The following AP5Z1 variants were observed in gnomAD, a reference collection of about 807,000 sequenced individuals.
AP5Z1 encodes adaptor related protein complex 5 subunit zeta 1.
Under a neutral mutation model 83.0 loss-of-function variants are expected in AP5Z1, and 106 were observed. The observed-to-expected ratio is 1.28, with a 90% CI of 1.09 to 1.50. AP5Z1 has a LOEUF of 1.50. Ranked by LOEUF, AP5Z1 falls within the 40% of genes most tolerant of loss-of-function variation. The pLI is 0.00. For synonymous variants in AP5Z1, 751 were observed against 514.1 expected, an observed-to-expected ratio of 1.46 and a Z score of -6.23; for missense variants, 1,565 against 1,094.2, an observed-to-expected ratio of 1.43 and a Z score of -6.07.
chr7:4,777,137 A>G (rs770227323), intron 1 of AP5Z1, among the ~76,000 whole-genome samples: 2 of 152,176 alleles, frequency 1.3e-5, no homozygotes, highest in East Asian at 1.9e-4. Flanking sequence ...GCAGCTCAAC[A>G]TAGGCAACCT....
intron 2 of AP5Z1, 53 bp downstream of exon 2, chr7:4,781,365 C>T: frequency 8.1e-6 from 13 of 1,608,028 alleles, no homozygotes; most frequent in Non-Finnish European, 1.0e-5. Flanking sequence ...CCCAGGAGAA[C>T]CCAGCCCACG....
At chr7:4,778,267 C>T (rs913092540) in intron 1 of AP5Z1, among the ~76,000 whole-genome samples, 15 of 152,216 alleles carry the variant, frequency 9.9e-5, no homozygotes, top group Non-Finnish European at 1.5e-4. Flanking sequence ...TAGTTTCTCT[C>T]TAAATGTGTC....
Position 4,790,871 on chromosome 7 carries a change from C to G in AP5Z1, c.2137C>G (p.Gln713Glu). ...GCTGACGAAGCTGGCCTCCCGGAGC[C>G]AAGATCTGATCCCCAGGTGCCTGGT... ...TTLTKLASRS[Q>E]DLIPRASLLL... Residue 713 changes from glutamine (Q) to glutamate (E), a missense_variant, in exon 16 of 17, where the codon CAA becomes GAA. By Grantham distance (29) the Gln-to-Glu change is conservative. Transcript: ENST00000649063. 6.2e-7 allele frequency: 1 copy of G among 1,604,448 alleles called. No homozygotes were observed. The highest frequency in any genetic ancestry group is 1.7e-4 in the Middle Eastern group (1 of 6,024).
At chr7:4,785,352 G>C in intron 7 of AP5Z1, 63 bp from the exon 8 acceptor site, 1 of 1,574,434 alleles carries the variant, frequency 6.4e-7, no homozygotes, top group Non-Finnish European at 8.6e-7. Flanking sequence ...AGCACAAGCT[G>C]CCCCCTCATT....
At position 4,785,404 on chromosome 7, in the gene AP5Z1, C is replaced by G. The variant is rs1781509910; in HGVS notation, c.932-11C>G. ...GAGACAGAGCCGGCTGACTTTTTCC[C>G]CTCCTTCCAGGAGCCCTGAGGAAGG... On this transcript the variant is annotated splice_polypyrimidine_tract_variant and intron_variant, in intron 7 of 16. Transcript: ENST00000649063. 1.9e-6 allele frequency: 3 copies of G among 1,612,560 alleles called. No individual in the cohort carries two copies. The highest frequency in any genetic ancestry group is 2.5e-6 in the Non-Finnish European group (3 of 1,179,318).
chr7:4,780,489 G>A (rs1781350326), intron 1 of AP5Z1, among the ~76,000 whole-genome samples: 1 of 152,086 alleles, frequency 6.6e-6, no homozygotes, highest in Non-Finnish European at 1.5e-5. Context: ...CGTAGGCCAG[G>A]CGCGGTGGCT....
chr7:4,783,235 G>T, intron 3 of AP5Z1, 81 bp from the exon 4 acceptor site: 1 of 1,481,652 alleles, frequency 6.7e-7, no homozygotes, highest in East Asian at 2.5e-5. Flanking sequence ...CTTCTCAGGA[G>T]TGTCACACAG....
intron 3 of AP5Z1, among the ~76,000 whole-genome samples, chr7:4,782,716 C>T (rs1781413942): frequency 6.6e-6 from 1 of 152,154 alleles, no homozygotes; most frequent in African/African-American, 2.4e-5. Flanking sequence ...GTGGTAGCTC[C>T]TGGCCTTTGG....
Position 4,789,574 on chromosome 7 carries a change from TGCAGAGCGGGAGTTGGCA to T in AP5Z1, c.1708-256_1708-239del, listed in dbSNP as rs1332402977. ...GCCAAACAAGACGTGTGCCTGGCCT[TGCAGAGCGGGAGTTGGCA>T]GAGGAGCCGTGGAACAGAAGCGACA... is the stretch of plus-strand genomic sequence containing the variant. On this transcript the variant is annotated intron_variant, in intron 13 of 16. Coordinates refer to ENST00000649063, the MANE Select transcript of AP5Z1 (RefSeq NM_014855.3). Among the ~76,000 whole-genome samples the T allele has an allele frequency of 5.9e-5, 9 of 152,340 alleles. No homozygotes were observed. The East Asian group carries it at 1.7e-3, about 29-fold the overall frequency.
chr7:4,779,187 TAAC>T (rs572771288), intron 1 of AP5Z1, among the ~76,000 whole-genome samples: 19 of 146,568 alleles, frequency 1.3e-4, no homozygotes, highest in African/African-American at 3.0e-4. Context: ...ATAACATATA[TAAC>T]AACATAATAT....
At position 4,775,686 on chromosome 7, in the gene AP5Z1, G is replaced by T; in HGVS notation, c.-30G>T. 2 of 1,606,444 alleles carry T rather than the reference G, an allele frequency of 1.2e-6. No individual in the cohort carries two copies. Among genetic ancestry groups the T allele is most frequent in the Non-Finnish European group, 8.5e-7 (1 of 1,179,672 alleles). On this transcript the variant is annotated 5_prime_UTR_variant, in exon 1 of 17. It adds an upstream start codon to the 5' untranslated region. Coordinates refer to ENST00000649063, the MANE Select transcript of AP5Z1 (RefSeq NM_014855.3). ...GGGCTGCAGCTCCTGGAGTTTCCGA[G>T]GTTCGTGCGCGTCTGGTGGCGGCGG...
Position 4,791,643 on chromosome 7 carries a change from T to G in AP5Z1, c.*258T>G. 1.8e-6 allele frequency: 1 copy of G among 541,236 alleles called. No homozygotes were observed. The highest frequency in any genetic ancestry group is 3.2e-6 in the Non-Finnish European group (1 of 313,020). The allele number at this position is 541,236 out of a possible 1,614,324, so 33.5% of individuals were successfully genotyped here. ...CATGGAGCGGCTCTGATTGGAGGCT[T>G]GAGGCCCTGTGGCTGGGTCGGGTGG... On this transcript the variant is annotated 3_prime_UTR_variant, in exon 17 of 17. Coordinates refer to ENST00000649063, the MANE Select transcript of AP5Z1 (RefSeq NM_014855.3).
intron 14 of AP5Z1, chr7:4,790,136 T>C: frequency 6.9e-7 from 1 of 1,457,620 alleles, no homozygotes. Context: ...CGTCCTTCTT[T>C]CTGCCGAGCC....
intron 1 of AP5Z1, among the ~76,000 whole-genome samples, chr7:4,776,221 A>AAGATCTCTCTTGCGCGGATGTATTAG (rs1781221588): frequency 1.3e-5 from 2 of 152,248 alleles, no homozygotes; most frequent in South Asian, 4.1e-4. Flanking sequence ...GTGACTTAAA[A>AAGATCTCTCTTGCGCGGATGTATTAG]AGATCTCTCT....
intron 10 of AP5Z1, 37 bp from the exon 11 acceptor site, chr7:4,787,597 T>C (rs1415843033): frequency 8.5e-6 from 13 of 1,537,170 alleles, no homozygotes; most frequent in Admixed American, 2.0e-5. Context: ...GCTCCACAGC[T>C]CCGAGCCGTG....
Position 4,790,448 on chromosome 7 carries a change from T to C in AP5Z1, c.1806-11T>C. 1 of 1,613,056 alleles carries C rather than the reference T, an allele frequency of 6.2e-7. No homozygotes were observed. The highest frequency in any genetic ancestry group is 8.5e-7 in the Non-Finnish European group (1 of 1,179,856). On this transcript the variant is annotated splice_polypyrimidine_tract_variant and intron_variant, in intron 14 of 16. Coordinates refer to ENST00000649063, the MANE Select transcript of AP5Z1 (RefSeq NM_014855.3). Reference sequence around the variant, plus strand: ...TGCACAGAGCAGGCGTAGACCCGGCTTTCTGGGCAGTGTGCTGAGTTCTCA... The same window carrying C: ...TGCACAGAGCAGGCGTAGACCCGGCCTTCTGGGCAGTGTGCTGAGTTCTCA...
intron 14 of AP5Z1, 146 bp from the exon 15 acceptor site, chr7:4,790,313 C>G (rs1418237998): frequency 6.5e-7 from 1 of 1,549,128 alleles, no homozygotes; most frequent in Admixed American, 1.9e-5. Context: ...TTCTCTGAGG[C>G]TGGCAGTCTT....
chr7:4,777,123 C>A (rs1781249632), intron 1 of AP5Z1, among the ~76,000 whole-genome samples: 1 of 152,204 alleles, frequency 6.6e-6, no homozygotes, highest in Non-Finnish European at 1.5e-5. Flanking sequence ...AGCACCATCT[C>A]CCAGCAGCTC....
rs1233316773 is a variant in AP5Z1, at chr7:4,794,256, T to C, written c.*2871T>C. On this transcript the variant is annotated 3_prime_UTR_variant, in exon 17 of 17. Coordinates refer to ENST00000649063, the MANE Select transcript of AP5Z1 (RefSeq NM_014855.3). ...CCTGTCAAAACAGACCACTCGGCTCTACCAGTCAGCAGGATGTGGGTGGGG... is the reference window on the plus strand; with the variant it reads ...CCTGTCAAAACAGACCACTCGGCTCCACCAGTCAGCAGGATGTGGGTGGGG... 1 of 152,210 alleles carries C rather than the reference T, an allele frequency of 6.6e-6. No homozygotes were observed. Among genetic ancestry groups the C allele is most frequent in the Non-Finnish European group, 1.5e-5 (1 of 68,060 alleles). The allele number at this position is 152,210 out of a possible 1,614,324, so 9.4% of individuals were successfully genotyped here. A position where few individuals can be genotyped will look rare whatever the true frequency, so the allele number is the denominator to read the frequency against.
Sources: allele counts gnomAD v4.1 joint callset (sites outside exome capture counted in the v4.1 genomes callset), GRCh38; gene constraint gnomAD v4.1.1; transcripts MANE v1.5; gene names NCBI Gene and HGNC (gene_info 2026-07-23, HGNC 2026-07-21).